Variants in CTNNA2 observed in about 807,000 individuals in gnomAD.
CTNNA2 encodes catenin alpha-2.
Under a neutral mutation model 101.0 loss-of-function variants are expected in CTNNA2, and 42 were observed. That is an observed-to-expected ratio of 0.42 (90% CI 0.32 to 0.54). The LOEUF (loss-of-function observed/expected upper bound fraction) is 0.54, where lower values mean the gene tolerates loss of function less well. CTNNA2 is among the 20% of genes least tolerant of loss of function. The pLI is 0.14. For missense variants in CTNNA2, 871 were observed against 1,223.1 expected (o/e 0.71, Z 4.29); for synonymous variants, 450 against 456.4 (o/e 0.99, Z 0.18).
intron 7 of CTNNA2, among the ~76,000 whole-genome samples, chr2:80,264,112 A>G (rs1056043965): frequency 8.5e-5 from 13 of 152,162 alleles, no homozygotes; most frequent in African/African-American, 2.9e-4. Flanking sequence ...ATACATATCA[A>G]TGAGAATCCC....
At chr2:79,418,587 A>G (rs1047187532) in intron 4 of CTNNA2, among the ~76,000 whole-genome samples, 5 of 152,140 alleles carry the variant, frequency 3.3e-5, no homozygotes, top group African/African-American at 1.2e-4. Flanking sequence ...TCACTGCCAA[A>G]TAGCACCTGT....
intron 6 of CTNNA2, among the ~76,000 whole-genome samples, chr2:79,877,640 A>G (rs1683127657): frequency 6.6e-6 from 1 of 152,126 alleles, no homozygotes; most frequent in Admixed American, 6.6e-5. Flanking sequence ...ACAAATTGAT[A>G]TTTCATTGGG....
intron 2 of CTNNA2, among the ~76,000 whole-genome samples, chr2:79,694,854 C>A (rs1026510029): frequency 4.6e-5 from 7 of 151,810 alleles, no homozygotes; most frequent in African/African-American, 1.5e-4. Flanking sequence ...GTCTGGGAGT[C>A]TAGAAAAGAA....
At chr2:80,522,751 G>A (rs577861660) in intron 9 of CTNNA2, among the ~76,000 whole-genome samples, 7 of 152,166 alleles carry the variant, frequency 4.6e-5, no homozygotes, top group Middle Eastern at 3.4e-3. Context: ...ACCTTCCTCC[G>A]TGATGGTGAG....
intron 2 of CTNNA2, among the ~76,000 whole-genome samples, chr2:79,731,855 T>C (rs1346200134): frequency 1.3e-5 from 2 of 151,124 alleles, no homozygotes; most frequent in African/African-American, 2.4e-5. Flanking sequence ...TTTTTTACCA[T>C]CAAATGCAGT....
chr2:79,297,524 C>T (rs1676009365), intron 2 of CTNNA2, among the ~76,000 whole-genome samples: 1 of 152,200 alleles, frequency 6.6e-6, no homozygotes. Flanking sequence ...ATATCCTCAG[C>T]TAGACTTCAT....
At chr2:79,936,250 T>A (rs1362982048) in intron 7 of CTNNA2, among the ~76,000 whole-genome samples, 4 of 4,870 alleles carry the variant, frequency 8.2e-4, no homozygotes, top group African/African-American at 1.2e-3. Flanking sequence ...ATGCTGGGAT[T>A]TTTTTTTTTT....
chr2:80,479,535 C>T (rs1685987699), intron 9 of CTNNA2, among the ~76,000 whole-genome samples: 1 of 152,102 alleles, frequency 6.6e-6, no homozygotes, highest in African/African-American at 2.4e-5. Flanking sequence ...CTAATGGCTG[C>T]TTTCAAGTTT....
intron 4 of CTNNA2, among the ~76,000 whole-genome samples, chr2:79,865,134 A>T (rs796638524): frequency 1.3e-5 from 2 of 152,184 alleles, no homozygotes; most frequent in South Asian, 2.1e-4. Context: ...CATCAATGAC[A>T]CTAGCATGTA....
At chr2:79,548,850 G>A (rs1673905123) in intron 1 of CTNNA2, among the ~76,000 whole-genome samples, 1 of 152,176 alleles carries the variant, frequency 6.6e-6, no homozygotes, top group African/African-American at 2.4e-5. Context: ...TGACTTGCAT[G>A]TATGATGGGC....
chr2:80,524,474 T>G (rs904948249), intron 9 of CTNNA2, among the ~76,000 whole-genome samples: 3 of 152,158 alleles, frequency 2.0e-5, no homozygotes, highest in Non-Finnish European at 4.4e-5. Flanking sequence ...TGCTTAAAGT[T>G]CTGCCCATTG....
chr2:79,774,418 T>C (rs777455328), intron 3 of CTNNA2, among the ~76,000 whole-genome samples: 4 of 152,084 alleles, frequency 2.6e-5, no homozygotes, highest in African/African-American at 9.7e-5. Context: ...AATAAATGGT[T>C]ATTGGTTTAA....
rs185168334 is a variant in CTNNA2, at chr2:80,500,740, G to A, written c.1291-44242G>A. On this transcript the variant is annotated intron_variant, in intron 9 of 18. Transcript: ENST00000402739. ...GGGTCCTAGATTCAGTGTGTACTGG[G>A]TAGAGGTGCACAGAAAATTGCCTCA... Among the ~76,000 whole-genome samples, 55 of 152,276 alleles carry A rather than the reference G, an allele frequency of 3.6e-4. 1 individual carries two copies. The highest frequency in any genetic ancestry group is 2.1e-3 in the Admixed American group (32 of 15,290).
At chr2:79,727,741 C>G (rs1686941301) in intron 2 of CTNNA2, among the ~76,000 whole-genome samples, 1 of 116,658 alleles carries the variant, frequency 8.6e-6, no homozygotes, top group Admixed American at 1.1e-4. Flanking sequence ...CCCCACCCCA[C>G]AACGGTCCCC....
chr2:80,205,847 G>C (rs929192067), intron 7 of CTNNA2, among the ~76,000 whole-genome samples: 1 of 152,150 alleles, frequency 6.6e-6, no homozygotes, highest in African/African-American at 2.4e-5. Context: ...CAAGAAAAAA[G>C]AGATACTTGT....
chr2:79,721,152 A>AT (rs1335443963), intron 2 of CTNNA2, among the ~76,000 whole-genome samples: 1 of 151,304 alleles, frequency 6.6e-6, no homozygotes, highest in Non-Finnish European at 1.5e-5. Context: ...TATTTTTTGT[A>AT]TTTTGTGTCT....
intron 14 of CTNNA2, among the ~76,000 whole-genome samples, chr2:80,584,479 T>A (rs1695806053): frequency 6.6e-6 from 1 of 151,734 alleles, no homozygotes; most frequent in Admixed American, 6.6e-5. Flanking sequence ...TCAATATGGA[T>A]GGTGGTGATC....
chr2:79,891,248 C>T (rs566510067), intron 6 of CTNNA2, among the ~76,000 whole-genome samples: 23 of 152,166 alleles, frequency 1.5e-4, no homozygotes, highest in African/African-American at 5.3e-4. Flanking sequence ...CCAAAACTGA[C>T]CAGATTTGCA....
intron 3 of CTNNA2, among the ~76,000 whole-genome samples, chr2:79,328,616 A>G (rs942478249): frequency 6.6e-6 from 1 of 152,184 alleles, no homozygotes; most frequent in Non-Finnish European, 1.5e-5. Context: ...ATGATAACGA[A>G]AAACACTATT....
Sources: gnomAD v4.1 joint callset for allele counts (sites outside exome capture counted in the v4.1 genomes callset) on GRCh38, gnomAD v4.1.1 for gene constraint, MANE v1.5 for transcripts, NCBI Gene and HGNC (gene_info 2026-07-23, HGNC 2026-07-21) for gene names.